TSPAN7: variants seen among roughly 807,000 people sequenced by gnomAD.
TSPAN7 encodes the protein tetraspanin 7.
Under a neutral mutation model 17.6 loss-of-function variants are expected in TSPAN7, and 1 was observed. The ratio of observed to expected loss-of-function variants is 0.06; its 90% CI spans 0.02 to 0.27. TSPAN7 has a LOEUF of 0.27. Among genes scored for constraint, TSPAN7 ranks in the 10% least tolerant of loss-of-function variants. The pLI, the probability that TSPAN7 is intolerant of heterozygous loss-of-function variation, is 1.00. For missense variants in TSPAN7, 112 were observed against 201.7 expected (o/e 0.56, Z 2.69); for synonymous variants, 78 against 79.0 (o/e 0.99, Z 0.07).
At chrX:38,564,440 G>A (rs2069131254) in intron 1 of TSPAN7, among the ~76,000 whole-genome samples, 3 of 112,045 alleles carry the variant, frequency 2.7e-5, no homozygotes, top group Non-Finnish European at 5.6e-5. Context: ...GGATAATGGT[G>A]CTATAAACAT....
chrX:38,685,938 C>T (rs1317469744), intron 6 of TSPAN7, among the ~76,000 whole-genome samples: 3 of 111,955 alleles, frequency 2.7e-5, no homozygotes, highest in Non-Finnish European at 3.8e-5. Flanking sequence ...GTGTTATATA[C>T]CTCTGACACT....
At chrX:38,623,709 T>A (rs1219416983) in intron 1 of TSPAN7, among the ~76,000 whole-genome samples, 3 of 108,473 alleles carry the variant, frequency 2.8e-5, no homozygotes, top group Non-Finnish European at 5.7e-5. Flanking sequence ...GTAGACTTTC[T>A]CCTGAAATCT....
chrX:38,598,469 A>T (rs2069329916), intron 1 of TSPAN7, among the ~76,000 whole-genome samples: 1 of 111,005 alleles, frequency 9.0e-6, no homozygotes, highest in African/African-American at 3.3e-5. Flanking sequence ...TTCTTCTACC[A>T]GGAAGTTGAT....
chrX:38,577,779 G>A (rs897399831), intron 1 of TSPAN7, among the ~76,000 whole-genome samples: 1 of 107,832 alleles, frequency 9.3e-6, no homozygotes, highest in Non-Finnish European at 1.9e-5. Context: ...AAACCTGCAC[G>A]TTGTGCACAT....
At chrX:38,598,900 T>G (rs183221830) in intron 1 of TSPAN7, among the ~76,000 whole-genome samples, 2 of 112,084 alleles carry the variant, frequency 1.8e-5, no homozygotes, top group African/African-American at 6.5e-5. Flanking sequence ...TTAAAACAAG[T>G]GATGCTTCAT....
At chrX:38,667,942 A>G (rs913946348) in intron 2 of TSPAN7, among the ~76,000 whole-genome samples, 1 of 112,478 alleles carries the variant, frequency 8.9e-6, no homozygotes, top group Middle Eastern at 4.2e-3. Context: ...AGGCCCTGGC[A>G]TCTTATTTTC....
intron 6 of TSPAN7, among the ~76,000 whole-genome samples, chrX:38,684,944 T>C (rs984959928): frequency 1.8e-5 from 2 of 111,805 alleles, no homozygotes; most frequent in African/African-American, 6.5e-5. Flanking sequence ...GGAATTCATT[T>C]TGTGCTTTTA....
At chrX:38,570,920 C>CT (rs1235606657) in intron 1 of TSPAN7, 1 of 111,379 alleles carries the variant, frequency 9.0e-6, no homozygotes, top group African/African-American at 3.3e-5. Context: ...TTTGTTTTTC[C>CT]TTTTGGTTAT....
intron 1 of TSPAN7, among the ~76,000 whole-genome samples, chrX:38,581,337 C>T (rs902929384): frequency 8.9e-6 from 1 of 112,124 alleles, no homozygotes; most frequent in African/African-American, 3.2e-5. Context: ...TTCCACATGG[C>T]TGGGGAAGCC....
intron 1 of TSPAN7, among the ~76,000 whole-genome samples, chrX:38,637,335 TTCC>T (rs1394017873): frequency 8.9e-6 from 1 of 112,180 alleles, no homozygotes; most frequent in Non-Finnish European, 1.9e-5. Flanking sequence ...AAATATTTGC[TTCC>T]TCTAAAACTC....
chrX:38,666,953 A>G (rs781544945), intron 2 of TSPAN7, among the ~76,000 whole-genome samples: 8 of 112,144 alleles, frequency 7.1e-5, no homozygotes, highest in Admixed American at 1.9e-4. Flanking sequence ...AGCATGTGAT[A>G]TGCAGCTTTG....
At chrX:38,654,731 T>C (rs867386877) in intron 1 of TSPAN7, among the ~76,000 whole-genome samples, 5 of 86,444 alleles carry the variant, frequency 5.8e-5, no homozygotes, top group Non-Finnish European at 1.1e-4. Flanking sequence ...ATGAATAGGA[T>C]GAATAGGACA....
chrX:38,680,054 T>A (rs2069879218), intron 5 of TSPAN7, among the ~76,000 whole-genome samples: 2 of 111,725 alleles, frequency 1.8e-5, no homozygotes, highest in African/African-American at 6.5e-5. Flanking sequence ...GACAAAGTTA[T>A]CTGTACAACA....
At chrX:38,562,976 T>C in intron 1 of TSPAN7, 1 of 967,605 alleles carries the variant, frequency 1.0e-6, no homozygotes, top group Non-Finnish European at 1.3e-6. Flanking sequence ...GCTTTGAAAC[T>C]GGAGCACAGT....
chrX:38,569,944 A>C (rs1374002756), intron 1 of TSPAN7, among the ~76,000 whole-genome samples: 1 of 112,069 alleles, frequency 8.9e-6, no homozygotes, highest in East Asian at 2.8e-4. Context: ...ATTGGTACCC[A>C]GTTTTCAATT....
In TSPAN7 at chrX:38,595,500, G is replaced by A. The variant is rs1446284779; in HGVS notation, c.81+33873G>A. On this transcript the variant is annotated intron_variant, in intron 1 of 7. Transcript: ENST00000378482. ...TTTGAAGTATAATTATCTGCATTTT[G>A]CCTTTTTGTTGTCAGATTTAAAAAT... Among the ~76,000 whole-genome samples the A allele has an allele frequency of 2.7e-5, 3 of 111,799 alleles. No homozygotes were observed. The East Asian group carries it at 8.4e-4, about 31-fold the overall frequency.
intron 1 of TSPAN7, among the ~76,000 whole-genome samples, chrX:38,585,474 AT>A (rs1488587442): frequency 9.0e-6 from 1 of 111,711 alleles, no homozygotes; most frequent in Non-Finnish European, 1.9e-5. Flanking sequence ...AAGTTGAAAG[AT>A]TTTTGATTAA....
intron 1 of TSPAN7, among the ~76,000 whole-genome samples, chrX:38,614,350 G>C (rs1409721913): frequency 1.8e-5 from 2 of 111,924 alleles, no homozygotes; most frequent in Admixed American, 1.9e-4. Context: ...ATTATCCTTA[G>C]TTTACAAAAG....
chrX:38,599,064 C>A (rs1001775050), intron 1 of TSPAN7, among the ~76,000 whole-genome samples: 2 of 111,403 alleles, frequency 1.8e-5, no homozygotes, highest in Non-Finnish European at 3.8e-5. Context: ...CACAACACTG[C>A]GGATGAATCT....
Sources: gnomAD v4.1 joint callset for allele counts (sites outside exome capture counted in the v4.1 genomes callset) on GRCh38, gnomAD v4.1.1 for gene constraint, MANE v1.5 for transcripts, NCBI Gene and HGNC (gene_info 2026-07-23, HGNC 2026-07-21) for gene names.